Variants in OSBP2 observed in about 807,000 individuals in gnomAD.
The protein encoded by OSBP2 is oxysterol binding protein 2.
A neutral mutation model predicts 96.0 loss-of-function variants in OSBP2; 66 were observed. The ratio of observed to expected loss-of-function variants is 0.69; its 90% CI spans 0.56 to 0.84. The LOEUF is 0.84. Ranked by LOEUF, OSBP2 falls within the 40% of genes least tolerant of loss-of-function variation. The pLI, the probability that OSBP2 is intolerant of heterozygous loss-of-function variation, is 0.00. For synonymous variants in OSBP2, 525 were observed against 520.9 expected (o/e 1.01, Z -0.11); for missense variants, 1,038 against 1,222.7 (o/e 0.85, Z 2.25).
chr22:30,764,833 T>G (rs1210242951), intron 2 of OSBP2, among the ~76,000 whole-genome samples: 1 of 152,158 alleles, frequency 6.6e-6, no homozygotes, highest in East Asian at 1.9e-4. Context: ...CCAGACAGTA[T>G]AAAGAACTCT....
At chr22:30,902,139 C>CA (rs1491098304) in intron 12 of OSBP2, 268 of 66,222 alleles carry the variant, frequency 4.0e-3, no homozygotes, top group South Asian at 7.2e-3. Flanking sequence ...AAAAAAAAAA[C>CA]CAAAAAAAAA....
intron 1 of OSBP2, among the ~76,000 whole-genome samples, chr22:30,706,698 T>C (rs929440907): frequency 6.6e-6 from 1 of 152,174 alleles, no homozygotes; most frequent in Admixed American, 6.6e-5. Flanking sequence ...ACTCATCTTC[T>C]TCCAGCCTTG....
At chr22:30,843,450 C>G (rs967876773) in intron 2 of OSBP2, among the ~76,000 whole-genome samples, 1 of 133,172 alleles carries the variant, frequency 7.5e-6, no homozygotes, top group Admixed American at 7.3e-5. Flanking sequence ...TCTTTCCCCC[C>G]TCCCCCTTGA....
intron 2 of OSBP2, among the ~76,000 whole-genome samples, chr22:30,840,220 A>G (rs1176930050): frequency 2.6e-5 from 4 of 151,684 alleles, no homozygotes; most frequent in Admixed American, 2.6e-4. Flanking sequence ...AAAAAAAAAA[A>G]AGAAAGAAAC....
rs182631838 is a variant in OSBP2 at position 30,811,728 on chromosome 22, T to C, written c.854-58701T>C. Among the ~76,000 whole-genome samples the C allele has an allele frequency of 3.9e-3, 592 of 151,952 alleles. 4 individuals carry two copies. Among genetic ancestry groups the C allele is most frequent in the African/African-American group, 0.013 (556 of 41,430 alleles). Reference sequence around the variant, plus strand: ...CACCACCACACCCGGCCAATTTTTGTGTTTTTAGTAGAGACGGGGTTTCAC... The same window carrying C: ...CACCACCACACCCGGCCAATTTTTGCGTTTTTAGTAGAGACGGGGTTTCAC... On this transcript the variant is annotated intron_variant, in intron 2 of 13. Coordinates refer to ENST00000332585, the MANE Select transcript of OSBP2 (RefSeq NM_030758.4).
chr22:30,869,755 T>A (rs1464130383), intron 2 of OSBP2, among the ~76,000 whole-genome samples: 3 of 152,106 alleles, frequency 2.0e-5, no homozygotes, highest in Non-Finnish European at 4.4e-5. Context: ...CAGGCTCTTT[T>A]GGCAGAGTTT....
chr22:30,742,143 T>G (rs1383267818), intron 2 of OSBP2, among the ~76,000 whole-genome samples: 1 of 151,762 alleles, frequency 6.6e-6, no homozygotes, highest in Non-Finnish European at 1.5e-5. Context: ...TTTAAATATG[T>G]AATGTTCGGC....
intron 1 of OSBP2, among the ~76,000 whole-genome samples, chr22:30,723,237 G>A (rs372963555): frequency 3.3e-5 from 5 of 152,138 alleles, no homozygotes; most frequent in African/African-American, 1.2e-4. Context: ...CTCCTGAGTA[G>A]CTGGGACTAC....
At position 30,887,605 on chromosome 22, in the gene OSBP2, G is replaced by C. The variant is rs904655120; in HGVS notation, c.1287G>C (p.Lys429Asn). Residue 429 changes from lysine (K) to asparagine (N), a missense_variant, in exon 4 of 14, where the codon AAG becomes AAC. This residue lies in a region of OSBP2 where 737 missense variants were observed against 913.3 expected (regional missense o/e 0.81). Transcript: ENST00000332585. The part of the protein sequence containing the change: ...SAPGRPANPS[K>N]SFIEGSLLTP... ...CTGGCCGGCCGGCCAACCCCTCCAA[G>C]AGCTTCATTGAGGGTGAGTGGGCAG... is the stretch of plus-strand genomic sequence containing the variant. 2 of 1,599,612 alleles carry C rather than the reference G, an allele frequency of 1.3e-6. No individual in the cohort carries two copies. The highest frequency in any genetic ancestry group is 1.7e-6 in the Non-Finnish European group (2 of 1,174,002).
intron 2 of OSBP2, chr22:30,842,610 A>G: frequency 6.5e-6 from 1 of 153,678 alleles, no homozygotes; most frequent in South Asian, 2.1e-4. Context: ...TTTTTCAACT[A>G]AGTTGATGTA....
chr22:30,732,857 G>C (rs1469350916), intron 1 of OSBP2, among the ~76,000 whole-genome samples: 1 of 152,190 alleles, frequency 6.6e-6, no homozygotes, highest in African/African-American at 2.4e-5. Context: ...CTGCCCCCTA[G>C]TGCAGCTGGG....
At chr22:30,867,299 C>T (rs2039360015) in intron 2 of OSBP2, among the ~76,000 whole-genome samples, 1 of 152,166 alleles carries the variant, frequency 6.6e-6, no homozygotes, top group South Asian at 2.1e-4. Flanking sequence ...AGCCAGTCTC[C>T]TTGGTCTGTG....
chr22:30,829,167 C>T (rs545087122), intron 2 of OSBP2, among the ~76,000 whole-genome samples: 1 of 152,338 alleles, frequency 6.6e-6, no homozygotes, highest in South Asian at 2.1e-4. Context: ...GCGTGCTCTC[C>T]AGGGAGCTGG....
intron 2 of OSBP2, among the ~76,000 whole-genome samples, chr22:30,869,059 A>C (rs1157334665): frequency 6.6e-6 from 1 of 152,136 alleles, no homozygotes; most frequent in Non-Finnish European, 1.5e-5. Flanking sequence ...TGCCATTGTT[A>C]AACAGCAGCC....
intron 1 of OSBP2, among the ~76,000 whole-genome samples, chr22:30,731,405 C>T (rs2145724173): frequency 6.6e-6 from 1 of 152,202 alleles, no homozygotes; most frequent in East Asian, 1.9e-4. Flanking sequence ...AGAAAATACA[C>T]CTCAGAGCCA....
intron 2 of OSBP2, among the ~76,000 whole-genome samples, chr22:30,868,433 G>C (rs1298131668): frequency 1.3e-5 from 2 of 152,242 alleles, no homozygotes; most frequent in Admixed American, 1.3e-4. Flanking sequence ...ACGTCTGGGG[G>C]CCGCAGTTGG....
chr22:30,723,221 C>T (rs1188044532), intron 1 of OSBP2, among the ~76,000 whole-genome samples: 2 of 152,126 alleles, frequency 1.3e-5, no homozygotes, highest in African/African-American at 4.8e-5. Flanking sequence ...ATTCTCCTGC[C>T]TCAGCCTCCT....
At position 30,745,100 on chromosome 22, in the gene OSBP2, G is replaced by A. The variant is rs538607762; in HGVS notation, c.853+3731G>A. Among the ~76,000 whole-genome samples, 5 of 152,116 alleles carry A rather than the reference G, an allele frequency of 3.3e-5. No homozygotes were observed. The South Asian group carries it at 6.2e-4, about 19-fold the overall frequency. ...AAAGATGAAATCACAAGGGAAATTC[G>A]AAAATACATTGAGATAAATGAAAAC... On this transcript the variant is annotated intron_variant, in intron 2 of 13. Coordinates refer to ENST00000332585, the MANE Select transcript of OSBP2 (RefSeq NM_030758.4).
chr22:30,854,761 A>G (rs2039046980), intron 2 of OSBP2, among the ~76,000 whole-genome samples: 1 of 152,046 alleles, frequency 6.6e-6, no homozygotes, highest in Admixed American at 6.6e-5. Flanking sequence ...TTCCTTTAAC[A>G]TCTCTTATGG....
Sources: allele counts gnomAD v4.1 joint callset (sites outside exome capture counted in the v4.1 genomes callset), GRCh38; gene constraint gnomAD v4.1.1; regional missense constraint gnomAD v4.1.1; transcripts MANE v1.5; gene names NCBI Gene and HGNC (gene_info 2026-07-23, HGNC 2026-07-21).